The following FTO variants were observed in gnomAD, a reference collection of about 807,000 sequenced individuals.
The protein encoded by FTO is alpha-ketoglutarate-dependent dioxygenase FTO.
FTO carries 47 observed loss-of-function variants against 63.9 expected under a neutral mutation model. The observed-to-expected ratio is 0.74, with a 90% CI of 0.58 to 0.94. The LOEUF is 0.94. FTO is among the 40% of genes least tolerant of loss of function. The pLI, the probability that FTO is intolerant of heterozygous loss-of-function variation, is 0.00. For synonymous variants in FTO, 207 were observed against 224.4 expected (o/e 0.92, Z 0.69); for missense variants, 562 against 618.1 (o/e 0.91, Z 0.96).
chr16:53,730,501 CT>C (rs150433779), intron 1 of FTO, among the ~76,000 whole-genome samples: 21 of 146,774 alleles, frequency 1.4e-4, no homozygotes, highest in Admixed American at 2.0e-4. Flanking sequence ...TTTTAGAAGG[CT>C]TTTTTTTTTG....
At chr16:54,057,091 C>T (rs1006336802) in intron 8 of FTO, among the ~76,000 whole-genome samples, 26 of 152,146 alleles carry the variant, frequency 1.7e-4, no homozygotes, top group Admixed American at 1.7e-3. Context: ...TTATGAGCAG[C>T]AGGCATACAA....
chr16:53,713,864 G>T (rs935185246), intron 1 of FTO, among the ~76,000 whole-genome samples: 1 of 152,062 alleles, frequency 6.6e-6, no homozygotes, highest in Non-Finnish European at 1.5e-5. Context: ...ACTTTATGCC[G>T]CTTGATTAGC....
At chr16:53,738,635 G>T (rs539758809) in intron 1 of FTO, among the ~76,000 whole-genome samples, 1 of 152,204 alleles carries the variant, frequency 6.6e-6, no homozygotes, top group East Asian at 1.9e-4. Context: ...GGGTCATATG[G>T]TAAGTCTATG....
intron 8 of FTO, among the ~76,000 whole-genome samples, chr16:53,965,351 C>T (rs1004688495): frequency 6.6e-5 from 10 of 151,916 alleles, no homozygotes; most frequent in African/African-American, 2.4e-4. Context: ...TAGGATGACC[C>T]CCTTTTATAA....
chr16:54,095,078 C>CT (rs2086485533), intron 8 of FTO, among the ~76,000 whole-genome samples: 3 of 152,074 alleles, frequency 2.0e-5, no homozygotes. Context: ...TTTTTTCTTT[C>CT]TTTTTTGGCA....
chr16:53,730,936 T>A (rs886344994), intron 1 of FTO, among the ~76,000 whole-genome samples: 1 of 152,216 alleles, frequency 6.6e-6, no homozygotes, highest in Non-Finnish European at 1.5e-5. Flanking sequence ...GTTGAGTCAG[T>A]GGGTTTAAAC....
intron 1 of FTO, among the ~76,000 whole-genome samples, chr16:53,784,471 A>G (rs1017803629): frequency 6.6e-6 from 1 of 152,186 alleles, no homozygotes; most frequent in Non-Finnish European, 1.5e-5. Flanking sequence ...GTGGTTTTCC[A>G]GGATTCCTTT....
intron 7 of FTO, among the ~76,000 whole-genome samples, chr16:53,907,285 A>G (rs1184192637): frequency 6.6e-6 from 1 of 152,170 alleles, no homozygotes; most frequent in African/African-American, 2.4e-5. Flanking sequence ...GCATTAGCCT[A>G]CCCTTGGCAA....
In FTO at chr16:53,891,589, A is replaced by T. The variant is rs192007356; in HGVS notation, c.1239+2638A>T. On this transcript the variant is annotated intron_variant, in intron 7 of 8. Transcript: ENST00000471389. ...GGTGGGAGGATCATTGGAGCCCAGGAGTTCAAGGCTACAGTGAGCTGTGAT... is the reference window on the plus strand; with the variant it reads ...GGTGGGAGGATCATTGGAGCCCAGGTGTTCAAGGCTACAGTGAGCTGTGAT... Among the ~76,000 whole-genome samples, 513 of 152,252 alleles carry T rather than the reference A, an allele frequency of 3.4e-3. 3 individuals carry two copies. Among genetic ancestry groups the T allele is most frequent in the African/African-American group, 0.012 (481 of 41,556 alleles).
chr16:54,024,290 C>T (rs1296303483), intron 8 of FTO, among the ~76,000 whole-genome samples: 1 of 152,166 alleles, frequency 6.6e-6, no homozygotes, highest in Non-Finnish European at 1.5e-5. Flanking sequence ...GAGGCACTAT[C>T]TCGGCTCACT....
intron 1 of FTO, among the ~76,000 whole-genome samples, chr16:53,793,733 A>G (rs990723673): frequency 1.4e-5 from 2 of 141,060 alleles, no homozygotes; most frequent in African/African-American, 2.5e-5. Context: ...TCCGTCTCAA[A>G]ACAAACAAAC....
chr16:53,855,817 A>C (rs1026915781), intron 4 of FTO, among the ~76,000 whole-genome samples: 3 of 152,236 alleles, frequency 2.0e-5, no homozygotes, highest in Admixed American at 2.0e-4. Flanking sequence ...CAGTATCTGG[A>C]TCCATCTGTA....
At chr16:54,024,296 T>C (rs570418963) in intron 8 of FTO, among the ~76,000 whole-genome samples, 86 of 152,326 alleles carry the variant, frequency 5.6e-4, no homozygotes, top group African/African-American at 2.0e-3. Flanking sequence ...CTATCTCGGC[T>C]CACTGCAACC....
intron 8 of FTO, among the ~76,000 whole-genome samples, chr16:54,068,666 G>T (rs2085788955): frequency 6.6e-6 from 1 of 152,166 alleles, no homozygotes; most frequent in Non-Finnish European, 1.5e-5. Context: ...TTCAATAGCA[G>T]TGCTAACTTT....
At chr16:53,765,057 C>T (rs1489082095) in intron 1 of FTO, among the ~76,000 whole-genome samples, 4 of 151,998 alleles carry the variant, frequency 2.6e-5, no homozygotes, top group African/African-American at 4.8e-5. Flanking sequence ...CGTAATACTT[C>T]GATGGAGAAT....
At chr16:53,915,099 A>G (rs747929819) in intron 7 of FTO, among the ~76,000 whole-genome samples, 26 of 152,188 alleles carry the variant, frequency 1.7e-4, no homozygotes, top group Non-Finnish European at 3.5e-4. Flanking sequence ...GCACCCAACC[A>G]TAAGACGGTA....
chr16:53,788,589 C>A (rs1319374891), intron 1 of FTO, among the ~76,000 whole-genome samples: 1 of 132,608 alleles, frequency 7.5e-6, no homozygotes, highest in Non-Finnish European at 1.6e-5. Flanking sequence ...GGCGACAGAG[C>A]TAGACTCTGT....
At chr16:53,853,683 A>T (rs546404838) in intron 4 of FTO, among the ~76,000 whole-genome samples, 1 of 152,160 alleles carries the variant, frequency 6.6e-6, no homozygotes, top group Non-Finnish European at 1.5e-5. Context: ...GTAGTATTTC[A>T]TGGTATATAT....
At chr16:53,986,293 A>G (rs1333611536) in intron 8 of FTO, among the ~76,000 whole-genome samples, 1 of 152,214 alleles carries the variant, frequency 6.6e-6, no homozygotes, top group East Asian at 1.9e-4. Context: ...GTTACCCAGC[A>G]AATCTGGGTT....
Sources: allele counts gnomAD v4.1 joint callset (sites outside exome capture counted in the v4.1 genomes callset), GRCh38; gene constraint gnomAD v4.1.1; transcripts MANE v1.5; gene names NCBI Gene and HGNC (gene_info 2026-07-23, HGNC 2026-07-21).